ANKS1B: variants seen among roughly 807,000 people sequenced by gnomAD.
ANKS1B encodes the protein ankyrin repeat and sterile alpha motif domain-containing protein 1B.
ANKS1B carries 36 observed loss-of-function variants against 148.3 expected under a neutral mutation model. That is an observed-to-expected ratio of 0.24 (90% CI 0.19 to 0.32). The LOEUF is 0.32. Among genes scored for constraint, ANKS1B ranks in the 10% least tolerant of loss-of-function variants. The pLI is 1.00. For missense variants in ANKS1B, 1,157 were observed against 1,542.6 expected, an observed-to-expected ratio of 0.75 and a Z score of 4.19; for synonymous variants, 542 against 560.8, an observed-to-expected ratio of 0.97 and a Z score of 0.47.
At chr12:99,711,284 G>A (rs572545089) in intron 8 of ANKS1B, among the ~76,000 whole-genome samples, 19 of 152,128 alleles carry the variant, frequency 1.2e-4, no homozygotes, top group Admixed American at 7.9e-4. Context: ...GCACATCACA[G>A]TTTTAATTTT....
rs12296429 is a variant in ANKS1B, at chr12:99,114,949, T to G, written c.2527-29926A>C. On this transcript the variant is annotated intron_variant, in intron 15 of 26. Transcript: ENST00000683438. ...AGATACCATCTCACACCAATCAAAA[T>G]GGCTATTATTAAAAAGTAAAAAAAT... Among the ~76,000 whole-genome samples, 1,024 of 152,124 alleles carry G rather than the reference T, an allele frequency of 6.7e-3. 18 individuals carry two copies. Among genetic ancestry groups the G allele is most frequent in the African/African-American group, 0.024 (989 of 41,492 alleles).
At chr12:99,254,639 A>ATT (rs2075043883) in intron 12 of ANKS1B, among the ~76,000 whole-genome samples, 1 of 152,206 alleles carries the variant, frequency 6.6e-6, no homozygotes, top group Admixed American at 6.5e-5. Flanking sequence ...CTTAAAAATA[A>ATT]TGTTTGCTCT....
downstream of ANKS1B, among the ~76,000 whole-genome samples, chr12:98,742,344 C>CTTT (rs879698371): frequency 7.0e-6 from 1 of 143,568 alleles, no homozygotes; most frequent in Admixed American, 7.0e-5. Flanking sequence ...GCCCATGCAG[C>CTTT]TTTTTTTTTT....
At chr12:99,647,224 G>A (rs2098378875) in intron 9 of ANKS1B, among the ~76,000 whole-genome samples, 1 of 152,020 alleles carries the variant, frequency 6.6e-6, no homozygotes, top group Non-Finnish European at 1.5e-5. Flanking sequence ...AAAAAAAAAG[G>A]TCAGGGATAT....
chr12:99,904,868 C>A (rs1483143736), intron 1 of ANKS1B, among the ~76,000 whole-genome samples: 1 of 152,116 alleles, frequency 6.6e-6, no homozygotes. Flanking sequence ...TTTACCTTTT[C>A]TATTGTTACA....
At chr12:99,578,231 G>A (rs769435202) in intron 9 of ANKS1B, among the ~76,000 whole-genome samples, 2 of 152,026 alleles carry the variant, frequency 1.3e-5, no homozygotes, top group Non-Finnish European at 2.9e-5. Context: ...AACAACAAGA[G>A]TCATCTATGA....
chr12:99,176,794 C>T (rs1339755245), intron 14 of ANKS1B, among the ~76,000 whole-genome samples: 1 of 152,080 alleles, frequency 6.6e-6, no homozygotes, highest in Non-Finnish European at 1.5e-5. Flanking sequence ...GATGCCTGCT[C>T]CCCCTTTGCC....
intron 12 of ANKS1B, among the ~76,000 whole-genome samples, chr12:99,293,283 T>C (rs1001863990): frequency 2.0e-5 from 3 of 149,292 alleles, no homozygotes; most frequent in Non-Finnish European, 3.0e-5. Context: ...TTCTCACTCA[T>C]AGGTGGGAAT....
chr12:99,885,704 G>T (rs2092791143), intron 1 of ANKS1B, among the ~76,000 whole-genome samples: 1 of 152,016 alleles, frequency 6.6e-6, no homozygotes, highest in Non-Finnish European at 1.5e-5. Flanking sequence ...TGCCACCCGA[G>T]CAGTGTCCAT....
intron 14 of ANKS1B, among the ~76,000 whole-genome samples, chr12:99,234,969 C>T (rs935445276): frequency 7.9e-5 from 12 of 152,144 alleles, no homozygotes; most frequent in East Asian, 5.8e-4. Context: ...TCACTTAGCA[C>T]GTAAGTAGTG....
At chr12:99,139,593 A>C (rs950145376) in intron 15 of ANKS1B, among the ~76,000 whole-genome samples, 1 of 148,678 alleles carries the variant, frequency 6.7e-6, no homozygotes, top group Admixed American at 6.8e-5. Context: ...ATAGATTTCT[A>C]ACACTAATTT....
intron 16 of ANKS1B, among the ~76,000 whole-genome samples, chr12:99,080,570 C>G (rs776604230): frequency 6.6e-6 from 1 of 152,154 alleles, no homozygotes; most frequent in East Asian, 1.9e-4. Context: ...ATGAAGAGAG[C>G]AGATGCGATA....
intron 25 of ANKS1B, among the ~76,000 whole-genome samples, chr12:98,759,888 G>A (rs1337744687): frequency 1.3e-5 from 2 of 152,164 alleles, no homozygotes; most frequent in East Asian, 3.8e-4. Context: ...GCTGAGGCAG[G>A]AGACTCGCTT....
intron 25 of ANKS1B, among the ~76,000 whole-genome samples, chr12:98,759,805 C>T (rs944496568): frequency 5.3e-5 from 8 of 152,002 alleles, no homozygotes; most frequent in South Asian, 2.1e-4. Context: ...CATGGTGAAA[C>T]GCTGTCTCTA....
At chr12:99,070,298 C>A (rs1315841840) in intron 16 of ANKS1B, among the ~76,000 whole-genome samples, 2 of 152,090 alleles carry the variant, frequency 1.3e-5, no homozygotes, top group East Asian at 1.9e-4. Context: ...TGATTACCGC[C>A]CCTCCTCATC....
At chr12:99,151,114 A>C (rs2074748014) in intron 15 of ANKS1B, among the ~76,000 whole-genome samples, 1 of 152,200 alleles carries the variant, frequency 6.6e-6, no homozygotes, top group African/African-American at 2.4e-5. Context: ...ATCAAAATGA[A>C]ATACACAAAG....
intron 10 of ANKS1B, among the ~76,000 whole-genome samples, chr12:99,499,650 T>G (rs908887535): frequency 2.6e-5 from 4 of 152,064 alleles, no homozygotes; most frequent in Non-Finnish European, 5.9e-5. Context: ...AAAGTCCAAG[T>G]AGGCCATGGC....
chr12:99,973,521 G>A (rs1488572931), intron 1 of ANKS1B, among the ~76,000 whole-genome samples: 1 of 152,240 alleles, frequency 6.6e-6, no homozygotes, highest in Admixed American at 6.5e-5. Context: ...CAAGGCTGCA[G>A]TGAGCACAGT....
In ANKS1B at chr12:99,714,980, T is replaced by C. The variant is rs553684670; in HGVS notation, c.1128+57942A>G. ...TTAAAAATACAAAAAAAAAAAAAAA[T>C]TAGCTGGGCATGGTGGCAGGTTCCT... is the stretch of plus-strand genomic sequence containing the variant. On this transcript the variant is annotated intron_variant, in intron 8 of 26. Transcript: ENST00000683438. Among the ~76,000 whole-genome samples the C allele has an allele frequency of 1.7e-4, 24 of 141,950 alleles. 1 individual carries two copies. The South Asian group carries it at 5.7e-3, about 34-fold the overall frequency. 93.1% of individuals were successfully genotyped at this position (141,950 alleles called of 152,430 possible).
Sources: gnomAD v4.1 joint callset for allele counts (sites outside exome capture counted in the v4.1 genomes callset) on GRCh38, gnomAD v4.1.1 for gene constraint, MANE v1.5 for transcripts, NCBI Gene and HGNC (gene_info 2026-07-23, HGNC 2026-07-21) for gene names.